Variants in PCDH11Y observed in about 807,000 individuals in gnomAD.
PCDH11Y encodes the protein protocadherin 11 Y-linked.
For missense variants in PCDH11Y, 12 were observed against 224.8 expected (o/e 0.05, Z 6.05); for synonymous variants, 9 against 83.6 (o/e 0.11, Z 4.87).
At chrY:5,138,690 G>A in intron 2 of PCDH11Y, among the ~76,000 whole-genome samples, 1 of 31,644 alleles carries the variant, frequency 3.2e-5, no homozygotes, top group Non-Finnish European at 7.8e-5. Flanking sequence ...ACCCTCCCAC[G>A]TTAAATTGGG....
intron 3 of PCDH11Y, among the ~76,000 whole-genome samples, chrY:5,575,297 A>T: frequency 3.1e-5 from 1 of 32,503 alleles, no homozygotes; most frequent in African/African-American, 1.2e-4. Flanking sequence ...TCTGGCAAGG[A>T]ATTAATAACC....
At chrY:5,534,882 T>G in intron 3 of PCDH11Y, among the ~76,000 whole-genome samples, 1 of 33,877 alleles carries the variant, frequency 3.0e-5, no homozygotes, top group Admixed American at 2.7e-4. Flanking sequence ...TGATTTGCAT[T>G]TATCTAATGA....
chrY:5,136,690 A>C, intron 2 of PCDH11Y, among the ~76,000 whole-genome samples: 5 of 33,298 alleles, frequency 1.5e-4, no homozygotes, highest in African/African-American at 5.9e-4. Context: ...ATGTAGTGGA[A>C]ACTTTCAACA....
intron 2 of PCDH11Y, among the ~76,000 whole-genome samples, chrY:5,205,557 T>TAC (rs2052930972): frequency 1.6e-4 from 4 of 24,387 alleles, no homozygotes; most frequent in African/African-American, 6.2e-4. Context: ...TATATATATA[T>TAC]ACACTGAATA....
chrY:5,733,144 TG>T (rs2053606766), intron 4 of PCDH11Y, among the ~76,000 whole-genome samples: 1 of 33,550 alleles, frequency 3.0e-5, no homozygotes, highest in East Asian at 7.9e-4. Context: ...TTGTGATTTC[TG>T]CATTTACATT....
chrY:5,395,196 T>C, intron 2 of PCDH11Y, among the ~76,000 whole-genome samples: 1 of 33,231 alleles, frequency 3.0e-5, no homozygotes, highest in Non-Finnish European at 7.4e-5. Flanking sequence ...GTTATTCTGC[T>C]ACTAACATCA....
intron 2 of PCDH11Y, among the ~76,000 whole-genome samples, chrY:5,384,782 A>C: frequency 3.2e-5 from 1 of 31,095 alleles, no homozygotes; most frequent in East Asian, 8.2e-4. Flanking sequence ...GAGTGACATC[A>C]GGTTACCTCA....
downstream of PCDH11Y, chrY:5,101,502 G>C: frequency 2.3e-5 from 1 of 43,421 alleles, no homozygotes; most frequent in Non-Finnish European, 4.5e-5. Context: ...AGAAAACTGT[G>C]GGCATATTAA....
intron 4 of PCDH11Y, among the ~76,000 whole-genome samples, chrY:5,582,729 T>C: frequency 3.3e-5 from 1 of 29,942 alleles, no homozygotes; most frequent in Non-Finnish European, 8.1e-5. Context: ...ATATTAGCAA[T>C]ATTAACAACA....
chrY:5,224,252 A>G, intron 2 of PCDH11Y, among the ~76,000 whole-genome samples: 4 of 23,125 alleles, frequency 1.7e-4, no homozygotes, highest in Admixed American at 4.9e-4. Flanking sequence ...AGAGGTAGTC[A>G]TGGAATCAGA....
chrY:5,726,471 T>TTCTC (rs2053598836), intron 4 of PCDH11Y, among the ~76,000 whole-genome samples: 1 of 32,962 alleles, frequency 3.0e-5, no homozygotes, highest in Admixed American at 2.8e-4. Flanking sequence ...AGAAAGTAGA[T>TTCTC]TAGAGATTGC....
intron 1 of PCDH11Y, among the ~76,000 whole-genome samples, chrY:5,001,951 A>G (rs2052531353): frequency 5.9e-5 from 2 of 33,895 alleles, no homozygotes; most frequent in African/African-American, 2.3e-4. Flanking sequence ...CTTACGGGTG[A>G]GCCCTGGCCT....
chrY:5,385,082 G>C, intron 2 of PCDH11Y, among the ~76,000 whole-genome samples: 1 of 19,765 alleles, frequency 5.1e-5, no homozygotes, highest in African/African-American at 2.0e-4. Context: ...TTATTTTTTT[G>C]TTTGTTTGTT....
intron 4 of PCDH11Y, among the ~76,000 whole-genome samples, chrY:5,599,623 A>G: frequency 3.0e-5 from 1 of 33,491 alleles, no homozygotes; most frequent in Non-Finnish European, 7.4e-5. Flanking sequence ...GAAAAAGTAA[A>G]TTGACTCTCA....
At chrY:5,251,893 G>A in intron 2 of PCDH11Y, among the ~76,000 whole-genome samples, 2 of 32,250 alleles carry the variant, frequency 6.2e-5, no homozygotes, top group African/African-American at 1.2e-4. Context: ...ACTCCTAGTC[G>A]GGATCTAAAT....
chrY:5,287,695 T>G, intron 2 of PCDH11Y, among the ~76,000 whole-genome samples: 1 of 31,639 alleles, frequency 3.2e-5, no homozygotes, highest in Non-Finnish European at 7.7e-5. Flanking sequence ...ATGTTCTCAC[T>G]CATAAGTGGG....
intron 2 of PCDH11Y, among the ~76,000 whole-genome samples, chrY:5,403,606 T>G: frequency 3.0e-5 from 1 of 33,142 alleles, no homozygotes; most frequent in African/African-American, 1.2e-4. Flanking sequence ...TGAATATTTA[T>G]TCAAGTTGTT....
chrY:5,549,366 C>A, intron 3 of PCDH11Y, among the ~76,000 whole-genome samples: 1 of 29,689 alleles, frequency 3.4e-5, no homozygotes, highest in African/African-American at 1.3e-4. Context: ...ATCTCAATAT[C>A]ATTAATCATT....
intron 4 of PCDH11Y, among the ~76,000 whole-genome samples, chrY:5,718,149 A>C (rs2053591438): frequency 3.0e-5 from 1 of 33,416 alleles, no homozygotes; most frequent in Non-Finnish European, 7.4e-5. Flanking sequence ...AAAAGTAGTT[A>C]GAATAAATGG....
Sources: gnomAD v4.1 joint callset for allele counts (sites outside exome capture counted in the v4.1 genomes callset) on GRCh38, gnomAD v4.1.1 for gene constraint, MANE v1.5 for transcripts, NCBI Gene and HGNC (gene_info 2026-07-23, HGNC 2026-07-21) for gene names.